The following POGK variants were observed in gnomAD, a reference collection of about 807,000 sequenced individuals.
POGK encodes pogo transposable element derived with KRAB domain, also known as pogo transposable element with KRAB domain.
POGK carries 16 observed loss-of-function variants against 54.4 expected under a neutral mutation model. The ratio of observed to expected loss-of-function variants is 0.29; its 90% CI spans 0.20 to 0.45. The LOEUF is 0.45. Among genes scored for constraint, POGK ranks in the 20% least tolerant of loss-of-function variants. The pLI is 1.00. For missense variants in POGK, 515 were observed against 795.6 expected, an observed-to-expected ratio of 0.65 and a Z score of 4.24; for synonymous variants, 271 against 302.2, an observed-to-expected ratio of 0.90 and a Z score of 1.07.
chr1:166,852,610 TG>T lies in POGK; in HGVS notation c.*44del, dbSNP rs34884440. On this transcript the variant is annotated 3_prime_UTR_variant, in exon 6 of 6. Coordinates refer to ENST00000367876, the MANE Select transcript of POGK (RefSeq NM_017542.5). ...CAAATGGAACTCTGATTTAAACAGCTGGGGATGAAATTCCTCAAGATGATTA... is the reference window on the plus strand; with the variant it reads ...CAAATGGAACTCTGATTTAAACAGCTGGGATGAAATTCCTCAAGATGATTA... 6.6e-6 allele frequency: 1 copy of T among 152,270 alleles called. No homozygotes were observed. The highest frequency in any genetic ancestry group is 2.1e-4 in the South Asian group (1 of 4,834). The allele number at this position is 152,270 out of a possible 1,614,324, so 9.4% of individuals were successfully genotyped here.
chr1:166,847,389 C>G, intron 3 of POGK, 105 bp from the exon 4 acceptor site: 1 of 828,054 alleles, frequency 1.2e-6, no homozygotes. Flanking sequence ...CCTTGTTTTT[C>G]ACAAAGAAGG....
At chr1:166,841,649 T>G (rs1358022562) in intron 2 of POGK, among the ~76,000 whole-genome samples, 1 of 152,262 alleles carries the variant, frequency 6.6e-6, no homozygotes, top group African/African-American at 2.4e-5. Context: ...CAGTAGATAC[T>G]TATAGTTACA....
intron 2 of POGK, among the ~76,000 whole-genome samples, chr1:166,842,831 G>A (rs1476842144): frequency 1.3e-5 from 2 of 151,794 alleles, no homozygotes; most frequent in Non-Finnish European, 2.9e-5. Flanking sequence ...TGCACAGGAT[G>A]CCCCCCCACC....
intron 2 of POGK, among the ~76,000 whole-genome samples, chr1:166,845,616 C>G (rs1199023796): frequency 2.0e-5 from 3 of 152,198 alleles, no homozygotes; most frequent in Non-Finnish European, 4.4e-5. Context: ...AAAACAGTAT[C>G]ATAATCACCC....
chr1:166,854,434 GA>G lies in POGK; in HGVS notation c.*1866del, dbSNP rs1440698691. On this transcript the variant is annotated 3_prime_UTR_variant, in exon 6 of 6. Coordinates refer to ENST00000367876, the MANE Select transcript of POGK (RefSeq NM_017542.5). The stretch of plus-strand genomic sequence containing the variant: ...TATAGTTGTACTCCCTAGTAGATAG[GA>G]ACTGACCCCAACAATAAACTTTGAT... 6.6e-6 allele frequency: 1 copy of G among 152,478 alleles called. No homozygotes were observed. The highest frequency in any genetic ancestry group is 1.5e-5 in the Non-Finnish European group (1 of 68,024). 9.4% of individuals were successfully genotyped at this position (152,478 alleles called of 1,614,324 possible).
chr1:166,841,139 G>T (rs370988948), intron 2 of POGK, 51 bp downstream of exon 2: 5 of 1,599,276 alleles, frequency 3.1e-6, no homozygotes, highest in Non-Finnish European at 3.4e-6. Flanking sequence ...AGGCCTGAGA[G>T]CCCAGCTTGC....
At chr1:166,842,513 A>C (rs762348098) in intron 2 of POGK, among the ~76,000 whole-genome samples, 1 of 152,228 alleles carries the variant, frequency 6.6e-6, no homozygotes, top group Non-Finnish European at 1.5e-5. Context: ...TAGTAAGCAC[A>C]GTGTGCAGAG....
rs1025660753 is a variant in POGK at position 166,847,543 on chromosome 1, G to A, written c.309G>A (p.Glu103=). The A allele has an allele frequency of 2.5e-6, 4 of 1,613,840 alleles. No homozygotes were observed. In the African/African-American group the frequency reaches 5.3e-5, roughly 22 times the overall value. ...PDMITRLEGE[E]ESQNSDEWQL... ...TGATCACCCGTTTGGAAGGGGAGGA[G>A]GAGTCTCAGAATTCTGACGAGTGGC... Residue 103 remains glutamate, a synonymous_variant, in exon 4 of 6, where the codon GAG becomes GAA. Coordinates refer to ENST00000367876, the MANE Select transcript of POGK (RefSeq NM_017542.5).
Position 166,849,932 on chromosome 1 carries a change from AG to A in POGK, c.1354del (p.Val452TrpfsTer17). 6.2e-7 allele frequency: 1 copy of A among 1,614,236 alleles called. No individual in the cohort carries two copies. Among genetic ancestry groups the A allele is most frequent in the Non-Finnish European group, 8.5e-7 (1 of 1,180,052 alleles). On this transcript the variant is annotated frameshift_variant, in exon 5 of 6. Transcript: ENST00000367876. LOFTEE classifies it high-confidence loss of function. Reference sequence around the variant, plus strand: ...AAGACTTGATGCAGGACTGGTTGGAAGTGGTGTGGAGACGGAGGACAGGAGC... The same window carrying A: ...AAGACTTGATGCAGGACTGGTTGGAATGGTGTGGAGACGGAGGACAGGAGC... Reference protein sequence around the residue: ...TEDLMQDWLEVVWRRRTGAVP... With the variant: ...TEDLMQDWLEXVWRRRTGAVP...
chr1:166,842,250 A>G (rs560755442), intron 2 of POGK, among the ~76,000 whole-genome samples: 1 of 152,218 alleles, frequency 6.6e-6, no homozygotes, highest in African/African-American at 2.4e-5. Flanking sequence ...GTGCAATGAA[A>G]GTGAATGTTG....
At chr1:166,844,437 CCTGGGCTGA>C (rs1232827679) in intron 2 of POGK, among the ~76,000 whole-genome samples, 3 of 152,244 alleles carry the variant, frequency 2.0e-5, no homozygotes, top group African/African-American at 7.2e-5. Context: ...GTGGAAAATT[CCTGGGCTGA>C]CTGGCTTTCC....
chr1:166,847,739 G>A (rs1235152389), intron 4 of POGK, 147 bp downstream of exon 4: 2 of 580,162 alleles, frequency 3.4e-6, no homozygotes, highest in Admixed American at 6.1e-5. Context: ...TGCTAAATGT[G>A]TGACAGTGTG....
At position 166,839,935 on chromosome 1, in the gene POGK, CG is replaced by C. The variant is rs757233962; in HGVS notation, c.-3+334del. On this transcript the variant is annotated intron_variant, in intron 1 of 5. Coordinates refer to ENST00000367876, the MANE Select transcript of POGK (RefSeq NM_017542.5). ...CGGCGGTGGCGCAGGCGGGGCAGGG[CG>C]GGCGGCGGCCCTGGTTGCGGCACCT... 3.7e-3 allele frequency among the ~76,000 whole-genome samples: 561 copies of C among 150,142 alleles called. 2 individuals are homozygous for C. Among genetic ancestry groups the C allele is most frequent in the Non-Finnish European group, 5.8e-3 (386 of 66,818 alleles).
In POGK at chr1:166,849,986, C is replaced by T; in HGVS notation, c.1407C>T (p.Ile469=). Residue 469 remains isoleucine (I), a synonymous_variant, in exon 5 of 6, where the codon ATC becomes ATT. Coordinates refer to ENST00000367876, the MANE Select transcript of POGK (RefSeq NM_017542.5). ...GAVPKQRGML[I]LNGFRGHATD... The stretch of plus-strand genomic sequence containing the variant: ...TGCCCAAGCAGCGAGGGATGCTGAT[C>T]TTGAATGGCTTCCGGGGCCATGCCA... 6.2e-7 allele frequency: 1 copy of T among 1,614,210 alleles called. No individual in the cohort carries two copies. Among genetic ancestry groups the T allele is most frequent in the Non-Finnish European group, 8.5e-7 (1 of 1,180,040 alleles).
chr1:166,842,305 G>A (rs1301606699), intron 2 of POGK, among the ~76,000 whole-genome samples: 1 of 152,188 alleles, frequency 6.6e-6, no homozygotes, highest in Non-Finnish European at 1.5e-5. Flanking sequence ...ATGCTTAGGT[G>A]GGAAAAGAAG....
chr1:166,840,838 C>T, intron 1 of POGK, 117 bp from the exon 2 acceptor site: 1 of 1,296,666 alleles, frequency 7.7e-7, no homozygotes, highest in Non-Finnish European at 1.1e-6. Flanking sequence ...TACTTCCCTC[C>T]AGCGGGAACA....
intron 5 of POGK, chr1:166,851,943 T>C (rs1571230581): frequency 6.6e-6 from 1 of 152,260 alleles, no homozygotes; most frequent in Non-Finnish European, 1.5e-5. Flanking sequence ...GAGTGACTTA[T>C]GTCTCCTGCC....
intron 2 of POGK, among the ~76,000 whole-genome samples, chr1:166,843,952 C>T (rs557585270): frequency 6.0e-4 from 92 of 152,278 alleles, no homozygotes; most frequent in African/African-American, 2.0e-3. Context: ...TGCCCGGGGC[C>T]GGCCCTGTTT....
Position 166,849,121 on chromosome 1 carries a change from T to G in POGK, c.542T>G (p.Leu181Arg), listed in dbSNP as rs747937758. The change falls in exon 5 of 6, where the codon CTC becomes CGC. Residue 181 changes from leucine to arginine, a missense_variant. Around this residue, in one of 2 missense-constraint regions of POGK, gnomAD observed 461 missense variants for 743.5 expected, o/e 0.62. Coordinates refer to ENST00000367876, the MANE Select transcript of POGK (RefSeq NM_017542.5). ...YMAMGFPGYDLSADDIAGKFQ... is the reference protein window; with the variant it reads ...YMAMGFPGYDRSADDIAGKFQ... ...GCCATGGGCTTCCCAGGGTATGACC[T>G]CTCGGCTGATGACATAGCTGGGAAG... 2.5e-6 allele frequency: 4 copies of G among 1,614,166 alleles called. No individual in the cohort carries two copies. The East Asian group carries it at 6.7e-5, about 27-fold the overall frequency.
Sources: gnomAD v4.1 joint callset for allele counts (sites outside exome capture counted in the v4.1 genomes callset) on GRCh38, gnomAD v4.1.1 for gene constraint, gnomAD v4.1.1 regional missense constraint, MANE v1.5 for transcripts, NCBI Gene and HGNC (gene_info 2026-07-23, HGNC 2026-07-21) for gene names.